Variants in RPS6KC1 observed in about 807,000 individuals in gnomAD.
The protein encoded by RPS6KC1 is ribosomal protein S6 kinase C1, also known as inactive ribosomal protein S6 kinase delta-1.
RPS6KC1 carries 54 observed loss-of-function variants against 103.8 expected under a neutral mutation model. The observed-to-expected ratio is 0.52, with a 90% CI of 0.42 to 0.65. RPS6KC1 has a LOEUF of 0.65. Among genes scored for constraint, RPS6KC1 ranks in the 30% least tolerant of loss-of-function variants. RPS6KC1 has a pLI of 0.00. For missense variants in RPS6KC1, 1,151 were observed against 1,253.8 expected (o/e 0.92, Z 1.24); for synonymous variants, 439 against 438.7 (o/e 1.00, Z -0.01).
chr1:213,670,624 G>A, the RPS6KC1 span, among the ~76,000 whole-genome samples: 1 of 152,130 alleles, frequency 6.6e-6, no homozygotes, highest in African/African-American at 2.4e-5. Context: ...CCTCCCCCAG[G>A]CCAGGATAGG....
chr1:213,137,714 C>T (rs1003755080), intron 6 of RPS6KC1, among the ~76,000 whole-genome samples: 11 of 117,772 alleles, frequency 9.3e-5, no homozygotes, highest in South Asian at 3.1e-4. Context: ...TTTGTTTGTT[C>T]GTTTGTTTTT....
the RPS6KC1 span, among the ~76,000 whole-genome samples, chr1:213,282,436 G>T: frequency 2.0e-5 from 3 of 152,234 alleles, no homozygotes; most frequent in Admixed American, 2.0e-4. Flanking sequence ...TAAAAATGTT[G>T]AGATAAAATC....
chr1:213,134,188 T>A (rs2085992420), intron 6 of RPS6KC1, among the ~76,000 whole-genome samples: 1 of 152,140 alleles, frequency 6.6e-6, no homozygotes, highest in Non-Finnish European at 1.5e-5. Context: ...GTAGTGTATA[T>A]CTTGTTGAAA....
At chr1:213,135,740 T>G (rs2086199174) in intron 6 of RPS6KC1, among the ~76,000 whole-genome samples, 1 of 152,184 alleles carries the variant, frequency 6.6e-6, no homozygotes, top group African/African-American at 2.4e-5. Context: ...AGCATTCTGT[T>G]TTTTCCTTTC....
the RPS6KC1 span, among the ~76,000 whole-genome samples, chr1:213,471,494 G>C: frequency 2.0e-5 from 3 of 152,092 alleles, no homozygotes; most frequent in Non-Finnish European, 2.9e-5. Flanking sequence ...GGAAGGAGAA[G>C]GACGACATCA....
chr1:213,474,865 A>G, the RPS6KC1 span, among the ~76,000 whole-genome samples: 1 of 152,206 alleles, frequency 6.6e-6, no homozygotes, highest in African/African-American at 2.4e-5. Context: ...AGTTCAATAT[A>G]AAACTTCACA....
the RPS6KC1 span, among the ~76,000 whole-genome samples, chr1:213,622,709 C>T: frequency 1.3e-5 from 2 of 152,256 alleles, no homozygotes; most frequent in Middle Eastern, 3.4e-3. Context: ...GGTCTTGCTG[C>T]TAGAAGGGAC....
the RPS6KC1 span, among the ~76,000 whole-genome samples, chr1:213,439,668 A>G: frequency 6.6e-6 from 1 of 152,174 alleles, no homozygotes; most frequent in Non-Finnish European, 1.5e-5. Context: ...TTGGCAAGGA[A>G]ATGAGAACAT....
At chr1:213,294,554 A>G in the RPS6KC1 span, among the ~76,000 whole-genome samples, 1 of 152,156 alleles carries the variant, frequency 6.6e-6, no homozygotes, top group Non-Finnish European at 1.5e-5. Context: ...GACTCTGGAG[A>G]GAGCACAGTC....
chr1:213,267,617 T>A (rs1425470409), intron 14 of RPS6KC1, among the ~76,000 whole-genome samples: 1 of 152,034 alleles, frequency 6.6e-6, no homozygotes, highest in Non-Finnish European at 1.5e-5. Flanking sequence ...AAGCAGCTAT[T>A]GTAAATATTT....
chr1:213,647,466 A>T, the RPS6KC1 span, among the ~76,000 whole-genome samples: 2 of 152,318 alleles, frequency 1.3e-5, no homozygotes, highest in South Asian at 4.1e-4. Context: ...TTTCAGCAGA[A>T]GGGACCCTTA....
the RPS6KC1 span, among the ~76,000 whole-genome samples, chr1:213,729,998 C>T: frequency 2.6e-5 from 4 of 152,108 alleles, no homozygotes; most frequent in East Asian, 7.7e-4. Flanking sequence ...TCATTTAGCC[C>T]CCACTTATAA....
At chr1:213,664,661 A>G in the RPS6KC1 span, among the ~76,000 whole-genome samples, 1 of 152,210 alleles carries the variant, frequency 6.6e-6, no homozygotes, top group Admixed American at 6.5e-5. Context: ...GTTGCTGTCC[A>G]GCCAATGGGC....
the RPS6KC1 span, among the ~76,000 whole-genome samples, chr1:213,510,948 G>A: frequency 6.6e-6 from 1 of 152,134 alleles, no homozygotes; most frequent in South Asian, 2.1e-4. Flanking sequence ...TTAACTGTGT[G>A]CAAAGATGGG....
At chr1:213,234,994 A>G (rs910524415) in intron 10 of RPS6KC1, among the ~76,000 whole-genome samples, 2 of 152,218 alleles carry the variant, frequency 1.3e-5, no homozygotes, top group African/African-American at 4.8e-5. Context: ...AGTGAACTGG[A>G]TGATGAACAG....
chr1:213,440,678 C>T, the RPS6KC1 span, among the ~76,000 whole-genome samples: 1 of 151,022 alleles, frequency 6.6e-6, no homozygotes, highest in African/African-American at 2.4e-5. Context: ...AGAGGAGAAG[C>T]CTCATGGAAA....
At chr1:213,644,822 G>A in the RPS6KC1 span, among the ~76,000 whole-genome samples, 1 of 152,150 alleles carries the variant, frequency 6.6e-6, no homozygotes, top group Non-Finnish European at 1.5e-5. Context: ...GAGTTTTTAA[G>A]ATCTTTTTAC....
the RPS6KC1 span, among the ~76,000 whole-genome samples, chr1:213,640,144 T>G: frequency 6.6e-6 from 1 of 152,030 alleles, no homozygotes; most frequent in Non-Finnish European, 1.5e-5. Flanking sequence ...TTGTGGTTTG[T>G]AAAGAATTGG....
intron 8 of RPS6KC1, among the ~76,000 whole-genome samples, chr1:213,210,930 C>T (rs1326887137): frequency 6.6e-6 from 1 of 152,088 alleles, no homozygotes; most frequent in Non-Finnish European, 1.5e-5. Context: ...TACATACTGC[C>T]CTGATTCTAT....
Sources: allele counts gnomAD v4.1 joint callset (sites outside exome capture counted in the v4.1 genomes callset), GRCh38; gene constraint gnomAD v4.1.1; transcripts MANE v1.5; gene names NCBI Gene and HGNC (gene_info 2026-07-23, HGNC 2026-07-21).